Variants in NIPBL observed in about 807,000 individuals in gnomAD.
The protein encoded by NIPBL is nipped-B-like protein.
In NIPBL, 19 loss-of-function variants were observed where a neutral mutation model predicts 321.8. That is an observed-to-expected ratio of 0.06 (90% CI 0.04 to 0.09). The LOEUF (loss-of-function observed/expected upper bound fraction) is 0.09. NIPBL is among the 10% of genes least tolerant of loss of function. The probability of loss-of-function intolerance (pLI) is 1.00; values close to 1 mark genes in which losing one functional copy is unlikely to be tolerated. For missense variants in NIPBL, 2,210 were observed against 3,327.0 expected (o/e 0.66, Z 8.26); for synonymous variants, 1,106 against 1,114.1 (o/e 0.99, Z 0.14).
intron 17 of NIPBL, among the ~76,000 whole-genome samples, 200 bp downstream of exon 17, chr5:37,006,788 A>G (rs1203268959): frequency 6.6e-6 from 1 of 151,962 alleles, no homozygotes; most frequent in Non-Finnish European, 1.5e-5. Context: ...AGTTATTTCT[A>G]CTTGTCAGGG....
intron 8 of NIPBL, among the ~76,000 whole-genome samples, chr5:36,974,798 T>G (rs1561099879): frequency 6.6e-6 from 1 of 152,108 alleles, no homozygotes. Flanking sequence ...TTGAAGGCAG[T>G]TCTAGGTTTA....
chr5:36,996,246 A>G lies in NIPBL; in HGVS notation c.3304+442A>G, dbSNP rs298969. The stretch of plus-strand genomic sequence containing the variant: ...ATGGGAACACATTGGATTGGCATCA[A>G]AATCAGAGTGGGGGCTCAGGGAATG... On this transcript the variant is annotated intron_variant, in intron 11 of 46. Coordinates refer to ENST00000282516, the MANE Select transcript of NIPBL (RefSeq NM_133433.4). This position sits in a 1 kb window ranked among gnomAD's most constrained non-coding sequence, Gnocchi z 5.0. Among the ~76,000 whole-genome samples the G allele has an allele frequency of 0.033, 4,966 of 152,298 alleles. 259 individuals carry two copies. Among genetic ancestry groups the G allele is most frequent in the African/African-American group, 0.11 (4,688 of 41,548 alleles).
chr5:36,945,156 G>A (rs537899776), intron 1 of NIPBL, among the ~76,000 whole-genome samples: 1 of 152,136 alleles, frequency 6.6e-6, no homozygotes, highest in East Asian at 1.9e-4. Context: ...AATTTCCTCC[G>A]TAGCCTCTAT....
At chr5:37,029,568 T>G (rs1750717894) in intron 32 of NIPBL, among the ~76,000 whole-genome samples, 1 of 152,060 alleles carries the variant, frequency 6.6e-6, no homozygotes, top group Non-Finnish European at 1.5e-5. Flanking sequence ...TTTTCATTTA[T>G]CTTGGGTAAA....
intron 25 of NIPBL, among the ~76,000 whole-genome samples, chr5:37,019,740 A>AT (rs1749414060): frequency 6.6e-6 from 1 of 152,208 alleles, no homozygotes; most frequent in Non-Finnish European, 1.5e-5. Flanking sequence ...GCCTGTAAAA[A>AT]TAAACTATTG....
chr5:37,041,252 G>GGTTTT (rs1752313760), intron 34 of NIPBL, among the ~76,000 whole-genome samples: 1 of 64,006 alleles, frequency 1.6e-5, no homozygotes, highest in Non-Finnish European at 2.7e-5. Flanking sequence ...TTATGTGGTG[G>GGTTTT]TTTTTTTTTT....
At chr5:36,900,880 T>C (rs956967328) in intron 1 of NIPBL, among the ~76,000 whole-genome samples, 5 of 152,166 alleles carry the variant, frequency 3.3e-5, no homozygotes, top group African/African-American at 1.2e-4. Flanking sequence ...TTCCATCTTT[T>C]CTTTGATGCC....
chr5:36,932,386 A>G (rs1343606511), intron 1 of NIPBL, among the ~76,000 whole-genome samples: 1 of 152,212 alleles, frequency 6.6e-6, no homozygotes, highest in Non-Finnish European at 1.5e-5. Flanking sequence ...GTATGAATAC[A>G]TGTATAAACG....
chr5:36,947,308 G>T (rs1739796550), intron 1 of NIPBL, among the ~76,000 whole-genome samples: 1 of 151,744 alleles, frequency 6.6e-6, no homozygotes, highest in African/African-American at 2.4e-5. Context: ...TATTACACTG[G>T]CATTTTAATC....
chr5:36,952,105 G>A (rs889253369), intron 1 of NIPBL, among the ~76,000 whole-genome samples: 1 of 148,460 alleles, frequency 6.7e-6, no homozygotes, highest in Non-Finnish European at 1.5e-5. Context: ...ATGTACCTTT[G>A]TGCAATAGGT....
intron 1 of NIPBL, among the ~76,000 whole-genome samples, chr5:36,913,103 G>A (rs7724311): frequency 0.042 from 6,329 of 152,242 alleles, 450 homozygotes; most frequent in African/African-American, 0.14. Flanking sequence ...TTGATTGATT[G>A]ATTCCAGATA....
chr5:37,061,008 A>G lies in NIPBL; in HGVS notation c.7850A>G (p.Gln2617Arg). ...TEEVKRSIVK[Q>R]YLDFKLLMEH... ...GAGGTGAAAAGGAGTATAGTAAAAC[A>G]GTATCTAGATGTGAGTAGTAAAACC... Residue 2617 changes from glutamine (Q) to arginine (R), a missense_variant, in exon 45 of 47, where the codon CAG becomes CGG. Gln to Arg is a conservative substitution (Grantham distance 43). Around this residue, in one of 14 missense-constraint regions of NIPBL, gnomAD observed 159 missense variants for 319.2 expected, o/e 0.50. Coordinates refer to ENST00000282516, the MANE Select transcript of NIPBL (RefSeq NM_133433.4). 6.2e-7 allele frequency: 1 copy of G among 1,614,108 alleles called. No individual in the cohort carries two copies. The highest frequency in any genetic ancestry group is 8.5e-7 in the Non-Finnish European group (1 of 1,179,966).
chr5:36,947,945 A>T (rs1739868386), intron 1 of NIPBL, among the ~76,000 whole-genome samples: 1 of 151,914 alleles, frequency 6.6e-6, no homozygotes, highest in South Asian at 2.1e-4. Flanking sequence ...GTGCACACTG[A>T]TATTTTCAGT....
At chr5:36,972,072 T>G in intron 8 of NIPBL, 31 bp downstream of exon 8, 1 of 1,402,666 alleles carries the variant, frequency 7.1e-7, no homozygotes. Flanking sequence ...TCCTTCTGTA[T>G]ATTTTATATT....
At chr5:37,024,955 G>A (rs2149702749) in intron 30 of NIPBL, among the ~76,000 whole-genome samples, 1 of 152,132 alleles carries the variant, frequency 6.6e-6, no homozygotes, top group South Asian at 2.1e-4. Context: ...TTTAAGACTG[G>A]CCATAGTAGC....
intron 32 of NIPBL, among the ~76,000 whole-genome samples, chr5:37,031,545 A>G (rs1022866888): frequency 6.6e-6 from 1 of 152,224 alleles, no homozygotes; most frequent in Non-Finnish European, 1.5e-5. Context: ...TTACAGTGCC[A>G]TTCATTTTAA....
intron 22 of NIPBL, 39 bp downstream of exon 22, chr5:37,014,804 C>T (rs1284952294): frequency 2.5e-6 from 3 of 1,193,168 alleles, no homozygotes; most frequent in Middle Eastern, 1.9e-4. Context: ...TTCTTTTCCA[C>T]AGTATAGAGA....
intron 4 of NIPBL, among the ~76,000 whole-genome samples, chr5:36,959,638 G>A (rs1741376613): frequency 6.6e-6 from 1 of 152,178 alleles, no homozygotes; most frequent in Non-Finnish European, 1.5e-5. Flanking sequence ...TTAGTTTTAT[G>A]AGAATGTGAG....
chr5:37,038,497 C>A, intron 33 of NIPBL, 105 bp from the exon 34 acceptor site: 1 of 957,320 alleles, frequency 1.0e-6, no homozygotes, highest in South Asian at 1.5e-5. Flanking sequence ...GAGGCCTATA[C>A]TGGACCTATT....
Sources: gnomAD v4.1 joint callset for allele counts (sites outside exome capture counted in the v4.1 genomes callset) on GRCh38, gnomAD v4.1.1 for gene constraint, gnomAD v4.1.1 regional missense constraint, Gnocchi (gnomAD v3.1) non-coding constraint, MANE v1.5 for transcripts, NCBI Gene and HGNC (gene_info 2026-07-23, HGNC 2026-07-21) for gene names.